APBB2: variants seen among roughly 807,000 people sequenced by gnomAD.
The protein encoded by APBB2 is Fe65-like 1.
APBB2 carries 38 observed loss-of-function variants against 82.5 expected under a neutral mutation model. The ratio of observed to expected loss-of-function variants is 0.46; its 90% CI spans 0.36 to 0.60. APBB2 has a LOEUF of 0.60. Ranked by LOEUF, APBB2 falls within the 20% of genes least tolerant of loss-of-function variation. The pLI, the probability that APBB2 is intolerant of heterozygous loss-of-function variation, is 0.00. For missense variants in APBB2, 772 were observed against 972.3 expected (o/e 0.79, Z 2.74); for synonymous variants, 341 against 368.2 (o/e 0.93, Z 0.85).
chr4:41,000,448 TTAC>T (rs1415719666), intron 6 of APBB2, among the ~76,000 whole-genome samples: 1 of 152,014 alleles, frequency 6.6e-6, no homozygotes, highest in Non-Finnish European at 1.5e-5. Flanking sequence ...ATAAAGCAGA[TTAC>T]TACTATTACT....
chr4:40,970,489 C>T (rs1795681635), intron 6 of APBB2, among the ~76,000 whole-genome samples: 2 of 152,004 alleles, frequency 1.3e-5, no homozygotes, highest in South Asian at 4.1e-4. Context: ...GAACCAAAGG[C>T]ATTTAAACTA....
At chr4:41,171,947 A>C (rs1036570272) in intron 1 of APBB2, among the ~76,000 whole-genome samples, 9 of 152,146 alleles carry the variant, frequency 5.9e-5, no homozygotes, top group African/African-American at 1.2e-4. Context: ...AAGTACAAAA[A>C]AAATTAGCTG....
intron 10 of APBB2, among the ~76,000 whole-genome samples, chr4:40,896,076 T>C (rs1237856289): frequency 6.6e-6 from 1 of 152,130 alleles, no homozygotes; most frequent in East Asian, 1.9e-4. Flanking sequence ...GTTCTTTTTT[T>C]TTTTTTGAGA....
At chr4:41,049,983 A>C (rs1039198366) in intron 4 of APBB2, among the ~76,000 whole-genome samples, 8 of 152,078 alleles carry the variant, frequency 5.3e-5, no homozygotes, top group East Asian at 1.9e-4. Flanking sequence ...AACACTGCGG[A>C]AGGCCACAGG....
chr4:40,860,695 C>T (rs577073028), intron 12 of APBB2, among the ~76,000 whole-genome samples: 1 of 152,214 alleles, frequency 6.6e-6, no homozygotes, highest in African/African-American at 2.4e-5. Flanking sequence ...GGCAGTTTCC[C>T]GTTGTATTTT....
chr4:40,974,965 A>G (rs1796795862), intron 6 of APBB2, among the ~76,000 whole-genome samples: 1 of 152,178 alleles, frequency 6.6e-6, no homozygotes, highest in African/African-American at 2.4e-5. Flanking sequence ...ATATTCTCCA[A>G]TTTCTGCTAC....
intron 6 of APBB2, among the ~76,000 whole-genome samples, chr4:40,952,946 A>T (rs549824305): frequency 1.3e-5 from 2 of 152,306 alleles, no homozygotes; most frequent in Admixed American, 1.3e-4. Flanking sequence ...TCTAGGGCTC[A>T]GAGAGGACAG....
At chr4:40,901,640 G>C (rs1267040553) in intron 10 of APBB2, among the ~76,000 whole-genome samples, 1 of 152,186 alleles carries the variant, frequency 6.6e-6, no homozygotes, top group Admixed American at 6.5e-5. Context: ...CTCCTGAGCA[G>C]CTGGGATTAC....
chr4:41,205,297 C>G (rs1007683508), intron 1 of APBB2, among the ~76,000 whole-genome samples: 2 of 152,168 alleles, frequency 1.3e-5, no homozygotes, highest in African/African-American at 4.8e-5. Context: ...TAAGCAAGCA[C>G]TACCACCTGC....
chr4:40,910,214 G>A (rs924046573), intron 10 of APBB2, among the ~76,000 whole-genome samples: 7 of 150,244 alleles, frequency 4.7e-5, no homozygotes, highest in East Asian at 2.0e-4. Context: ...GTGATCCGCC[G>A]CCTCGGCCTC....
rs1751507513 is a variant in APBB2, at chr4:40,830,498, C to T, written c.1609G>A (p.Ala537Thr). The change falls in exon 13 of 18, where the codon GCC becomes ACC. Residue 537 changes from alanine to threonine, a missense_variant. By Grantham distance (58) the Ala-to-Thr change is moderately conservative (BLOSUM62 0). Coordinates refer to ENST00000508593, the MANE Select transcript of APBB2 (RefSeq NM_004307.2). The part of the protein sequence containing the change: ...HVFRCDTPAK[A>T]IATSLHEICS... ...ATCTCGTGGAGACTTGTGGCAATGG[C>T]TTTTGCTGGTGTGTCACATCGAAAT... 1.2e-6 allele frequency: 2 copies of T among 1,614,014 alleles called. No individual in the cohort carries two copies. The highest frequency in any genetic ancestry group is 1.1e-5 in the South Asian group (1 of 91,086).
intron 6 of APBB2, among the ~76,000 whole-genome samples, chr4:40,988,688 T>C (rs1296681032): frequency 2.8e-5 from 4 of 143,246 alleles, no homozygotes; most frequent in African/African-American, 5.1e-5. Flanking sequence ...AGCCAGGGGC[T>C]ACTATGCGGT....
intron 12 of APBB2, among the ~76,000 whole-genome samples, chr4:40,851,739 T>TATATATATATA (rs57639176): frequency 1.1e-4 from 4 of 34,816 alleles, no homozygotes; most frequent in Admixed American, 3.5e-4. Context: ...TATATATATA[T>TATATATATATA]TTTTTTTTTT....
intron 2 of APBB2, among the ~76,000 whole-genome samples, chr4:41,102,521 G>T (rs927023177): frequency 6.6e-6 from 1 of 152,182 alleles, no homozygotes; most frequent in African/African-American, 2.4e-5. Context: ...CTTTATGCAT[G>T]ATTTCACTGC....
intron 12 of APBB2, chr4:40,880,523 T>C (rs941940890): frequency 1.0e-6 from 1 of 985,466 alleles, no homozygotes; most frequent in Non-Finnish European, 1.2e-6. Context: ...TGGTTATGAC[T>C]TCCTCTGTTC....
At chr4:41,198,532 G>A in intron 1 of APBB2, among the ~76,000 whole-genome samples, 1 of 152,148 alleles carries the variant, frequency 6.6e-6, no homozygotes, top group Non-Finnish European at 1.5e-5. Flanking sequence ...CTATTTTACA[G>A]ATGAGTCAAC....
chr4:41,140,596 C>A (rs11726507), intron 2 of APBB2, among the ~76,000 whole-genome samples: 7,518 of 152,246 alleles, frequency 0.049, 388 homozygotes, highest in African/African-American at 0.13. Flanking sequence ...ACACCAGGGG[C>A]CCCTGGTACC....
intron 1 of APBB2, among the ~76,000 whole-genome samples, chr4:41,145,989 A>G (rs568610439): frequency 1.3e-5 from 2 of 152,292 alleles, no homozygotes; most frequent in Non-Finnish European, 2.9e-5. Flanking sequence ...CAGGAGTTCG[A>G]GACCAGCCTG....
At chr4:40,879,935 G>T in intron 12 of APBB2, 2 of 865,460 alleles carry the variant, frequency 2.3e-6, no homozygotes, top group Non-Finnish European at 2.8e-6. Context: ...CAGGTGATCT[G>T]CCCGCCTCAG....
Sources: gnomAD v4.1 joint callset for allele counts (sites outside exome capture counted in the v4.1 genomes callset) on GRCh38, gnomAD v4.1.1 for gene constraint, MANE v1.5 for transcripts, NCBI Gene and HGNC (gene_info 2026-07-23, HGNC 2026-07-21) for gene names.